PCDH15: variants seen among roughly 807,000 people sequenced by gnomAD.
The protein encoded by PCDH15 is protocadherin related 15, also known as protocadherin-15.
A neutral mutation model predicts 178.5 loss-of-function variants in PCDH15; 129 were observed. The observed-to-expected ratio is 0.72, with a 90% CI of 0.63 to 0.84. The LOEUF (loss-of-function observed/expected upper bound fraction) is 0.84, where lower values mean the gene tolerates loss of function less well. Among genes scored for constraint, PCDH15 ranks in the 40% least tolerant of loss-of-function variants. PCDH15 has a pLI of 0.00. For missense variants in PCDH15, 2,230 were observed against 2,099.9 expected, an observed-to-expected ratio of 1.06 and a Z score of -1.21; for synonymous variants, 800 against 732.0, an observed-to-expected ratio of 1.09 and a Z score of -1.50.
intron 9 of PCDH15, among the ~76,000 whole-genome samples, chr10:54,229,407 G>A (rs1488574388): frequency 1.3e-5 from 2 of 152,096 alleles, no homozygotes; most frequent in Non-Finnish European, 2.9e-5. Context: ...TTCATGGGAT[G>A]AAGGATCATA....
At chr10:54,984,306 C>T (rs890033286) in intron 2 of PCDH15, among the ~76,000 whole-genome samples, 10 of 152,260 alleles carry the variant, frequency 6.6e-5, no homozygotes, top group South Asian at 6.2e-4. Flanking sequence ...CCTCTCCCCA[C>T]GCAAGTCATA....
At chr10:54,628,715 G>C (rs942297523) in intron 2 of PCDH15, among the ~76,000 whole-genome samples, 8 of 152,102 alleles carry the variant, frequency 5.3e-5, no homozygotes, top group African/African-American at 1.9e-4. Context: ...TGGGTGCAAA[G>C]GATAGATCAA....
chr10:55,219,599 T>C (rs1840810435), intron 1 of PCDH15, among the ~76,000 whole-genome samples: 1 of 151,504 alleles, frequency 6.6e-6, no homozygotes. Context: ...CTTATATATT[T>C]AATTTTGAAT....
chr10:55,308,082 T>C (rs1843476660), intron 1 of PCDH15, among the ~76,000 whole-genome samples: 1 of 152,180 alleles, frequency 6.6e-6, no homozygotes, highest in African/African-American at 2.4e-5. Context: ...TGCATCACAA[T>C]AAATATTATA....
intron 1 of PCDH15, among the ~76,000 whole-genome samples, chr10:55,183,682 T>TC (rs1159565538): frequency 9.3e-5 from 14 of 151,052 alleles, no homozygotes; most frequent in Admixed American, 2.6e-4. Context: ...AACCTATTTT[T>TC]TTTTTCTAAT....
chr10:55,189,834 C>G (rs920442313), intron 1 of PCDH15, among the ~76,000 whole-genome samples: 1 of 151,698 alleles, frequency 6.6e-6, no homozygotes, highest in Non-Finnish European at 1.5e-5. Context: ...TCACTTGGTT[C>G]AAATACTTAG....
At chr10:54,266,287 A>C (rs958711487) in intron 8 of PCDH15, among the ~76,000 whole-genome samples, 22 of 151,986 alleles carry the variant, frequency 1.4e-4, no homozygotes, top group Non-Finnish European at 2.9e-4. Context: ...AATGAACAAA[A>C]ACCTCTGGGA....
chr10:54,924,629 A>G (rs187384726), intron 2 of PCDH15, among the ~76,000 whole-genome samples: 2 of 152,246 alleles, frequency 1.3e-5, no homozygotes, highest in East Asian at 3.9e-4. Flanking sequence ...CCTTTTAAAA[A>G]TAGCCATTCT....
chr10:54,861,479 AT>A (rs1953841848), intron 3 of PCDH15, among the ~76,000 whole-genome samples: 1 of 152,176 alleles, frequency 6.6e-6, no homozygotes, highest in African/African-American at 2.4e-5. Context: ...GTAACAAAAG[AT>A]TTCCTAAGAA....
intron 2 of PCDH15, among the ~76,000 whole-genome samples, chr10:55,092,237 C>T (rs1287907200): frequency 6.6e-6 from 1 of 151,818 alleles, no homozygotes. Flanking sequence ...TATATAAACT[C>T]ACCCTTTACA....
At chr10:54,278,186 G>T (rs1260493735) in intron 8 of PCDH15, among the ~76,000 whole-genome samples, 1 of 151,324 alleles carries the variant, frequency 6.6e-6, no homozygotes, top group African/African-American at 2.4e-5. Flanking sequence ...CCCCACAATA[G>T]GTCGATGTAA....
intron 2 of PCDH15, among the ~76,000 whole-genome samples, chr10:55,382,606 A>G (rs1837563771): frequency 6.6e-6 from 1 of 152,172 alleles, no homozygotes; most frequent in African/African-American, 2.4e-5. Context: ...GTTGGATTAT[A>G]TCCTATAGAA....
chr10:54,310,565 G>C (rs1056181288), intron 8 of PCDH15, among the ~76,000 whole-genome samples: 13 of 151,916 alleles, frequency 8.6e-5, no homozygotes, highest in African/African-American at 3.1e-4. Flanking sequence ...TGGATAGAAA[G>C]AATAATGAGG....
chr10:54,016,562 G>A, intron 20 of PCDH15, among the ~76,000 whole-genome samples: 1 of 152,080 alleles, frequency 6.6e-6, no homozygotes, highest in Non-Finnish European at 1.5e-5. Flanking sequence ...AAAAAAGAAT[G>A]AGATCATGTC....
intron 2 of PCDH15, among the ~76,000 whole-genome samples, chr10:55,078,713 G>C (rs1267938391): frequency 6.6e-6 from 1 of 151,868 alleles, no homozygotes; most frequent in Non-Finnish European, 1.5e-5. Flanking sequence ...TGAGATTTTA[G>C]TGTACCTGTT....
At chr10:54,348,293 G>A (rs145755932) in intron 5 of PCDH15, among the ~76,000 whole-genome samples, 120 of 152,298 alleles carry the variant, frequency 7.9e-4, no homozygotes, top group African/African-American at 2.8e-3. Flanking sequence ...AGGAAGTTCA[G>A]GATTTATAAG....
chr10:54,357,798 A>T (rs931053956), intron 5 of PCDH15, among the ~76,000 whole-genome samples: 4 of 152,146 alleles, frequency 2.6e-5, no homozygotes, highest in Non-Finnish European at 4.4e-5. Context: ...ACAGCATGGT[A>T]CTGGTACCAA....
intron 2 of PCDH15, among the ~76,000 whole-genome samples, chr10:54,658,859 A>G (rs1203736218): frequency 6.6e-6 from 1 of 152,178 alleles, no homozygotes; most frequent in Non-Finnish European, 1.5e-5. Flanking sequence ...ATTGGATGAA[A>G]AAGCAAGACC....
intron 21 of PCDH15, among the ~76,000 whole-genome samples, chr10:53,990,126 T>C (rs2091363503): frequency 6.6e-6 from 1 of 152,108 alleles, no homozygotes; most frequent in African/African-American, 2.4e-5. Context: ...AACACAGATA[T>C]ACATTATAGA....
Sources: allele counts gnomAD v4.1 joint callset (sites outside exome capture counted in the v4.1 genomes callset), GRCh38; gene constraint gnomAD v4.1.1; transcripts MANE v1.5; gene names NCBI Gene and HGNC (gene_info 2026-07-23, HGNC 2026-07-21).